PTPRN2: variants seen among roughly 807,000 people sequenced by gnomAD.
PTPRN2 encodes the protein receptor-type tyrosine-protein phosphatase N2.
Under a neutral mutation model 118.8 loss-of-function variants are expected in PTPRN2, and 74 were observed. The ratio of observed to expected loss-of-function variants is 0.62; its 90% CI spans 0.52 to 0.76. The LOEUF is 0.76. Among genes scored for constraint, PTPRN2 ranks in the 30% least tolerant of loss-of-function variants. The pLI, the probability that PTPRN2 is intolerant of heterozygous loss-of-function variation, is 0.00. For missense variants in PTPRN2, 1,481 were observed against 1,394.4 expected (o/e 1.06, Z -0.99); for synonymous variants, 641 against 608.0 (o/e 1.05, Z -0.80).
chr7:158,193,925 A>T (rs1029134325), intron 4 of PTPRN2, among the ~76,000 whole-genome samples: 1 of 142,616 alleles, frequency 7.0e-6, no homozygotes, highest in Non-Finnish European at 1.5e-5. Context: ...AAAAAAAAAA[A>T]GGAATATAAT....
At chr7:158,454,151 G>A (rs1039859600) in intron 2 of PTPRN2, among the ~76,000 whole-genome samples, 7 of 151,894 alleles carry the variant, frequency 4.6e-5, no homozygotes, top group Admixed American at 4.6e-4. Flanking sequence ...TCAGGATTGG[G>A]GATGGTTGCT....
At chr7:157,725,169 C>T (rs576384847) in intron 12 of PTPRN2, among the ~76,000 whole-genome samples, 1 of 151,224 alleles carries the variant, frequency 6.6e-6, no homozygotes, top group African/African-American at 2.4e-5. Flanking sequence ...GCCAGACCCT[C>T]GCCTCCCAGG....
chr7:158,145,615 G>A (rs576869906), intron 6 of PTPRN2, among the ~76,000 whole-genome samples: 179 of 152,306 alleles, frequency 1.2e-3, no homozygotes, highest in African/African-American at 3.9e-3. Flanking sequence ...GGCCAGACGC[G>A]GCCAGGCTTG....
chr7:158,283,194 C>T (rs955344541), intron 3 of PTPRN2, among the ~76,000 whole-genome samples: 2 of 152,342 alleles, frequency 1.3e-5, no homozygotes, highest in African/African-American at 2.4e-5. Context: ...CTTTTGTATT[C>T]GCCACAATAA....
chr7:157,659,367 G>A (rs1795772876), intron 13 of PTPRN2, among the ~76,000 whole-genome samples: 1 of 88,390 alleles, frequency 1.1e-5, no homozygotes, highest in Non-Finnish European at 2.3e-5. Context: ...GGACGACTGT[G>A]GGGAAGGGGG....
chr7:158,266,690 C>T (rs574841108), intron 3 of PTPRN2, among the ~76,000 whole-genome samples: 38 of 152,236 alleles, frequency 2.5e-4, no homozygotes, highest in African/African-American at 7.9e-4. Context: ...GGCAGAGAGA[C>T]GAGAGCCACT....
chr7:157,577,764 A>G (rs1800132887), intron 18 of PTPRN2, among the ~76,000 whole-genome samples: 1 of 152,238 alleles, frequency 6.6e-6, no homozygotes, highest in African/African-American at 2.4e-5. Context: ...TCATGAGCAC[A>G]CAGCCGTGTG....
chr7:158,397,339 G>A (rs1812591946), intron 2 of PTPRN2, among the ~76,000 whole-genome samples: 1 of 152,212 alleles, frequency 6.6e-6, no homozygotes, highest in Non-Finnish European at 1.5e-5. Context: ...CCTGCATCCA[G>A]ACACCCTCAG....
At chr7:158,454,998 T>C (rs2129440403) in intron 2 of PTPRN2, among the ~76,000 whole-genome samples, 1 of 152,254 alleles carries the variant, frequency 6.6e-6, no homozygotes, top group African/African-American at 2.4e-5. Context: ...CACGCTCCAC[T>C]TGCTTCATGA....
chr7:157,547,673 A>G (rs1453404041), intron 22 of PTPRN2, among the ~76,000 whole-genome samples: 1 of 152,094 alleles, frequency 6.6e-6, no homozygotes, highest in Non-Finnish European at 1.5e-5. Context: ...GTAACCACAC[A>G]GGGAAAAATC....
At chr7:158,399,560 G>A (rs562990318) in intron 2 of PTPRN2, among the ~76,000 whole-genome samples, 6 of 152,184 alleles carry the variant, frequency 3.9e-5, no homozygotes, top group Non-Finnish European at 8.8e-5. Context: ...GGAGGCTGAG[G>A]CAGGAGGATT....
In PTPRN2 at chr7:158,315,438, CCCATGAAGGACAGAGGTGAACCCAGGACT is replaced by C. The variant is rs1332846869; in HGVS notation, c.277+1352_277+1380del. Among the ~76,000 whole-genome samples, 34 of 150,104 alleles carry C rather than the reference CCCATGAAGGACAGAGGTGAACCCAGGACT, an allele frequency of 2.3e-4. 1 individual carries two copies. The highest frequency in any genetic ancestry group is 7.4e-4 in the African/African-American group (30 of 40,750). ...TCAAGGACAGAGGTGAACCCAGGAC[CCCATGAAGGACAGAGGTGAACCCAGGACT>C]CCCTGAAGGATAGAGGTGAACCCGG... On this transcript the variant is annotated intron_variant, in intron 3 of 22. Transcript: ENST00000389418.
At chr7:158,404,003 T>C (rs1813150367) in intron 2 of PTPRN2, among the ~76,000 whole-genome samples, 1 of 152,188 alleles carries the variant, frequency 6.6e-6, no homozygotes, top group Non-Finnish European at 1.5e-5. Flanking sequence ...GGAAGTCCAT[T>C]AGGACAGACA....
chr7:158,155,493 T>TCAA (rs1821636299), intron 6 of PTPRN2, among the ~76,000 whole-genome samples: 1 of 134,582 alleles, frequency 7.4e-6, no homozygotes, highest in African/African-American at 2.6e-5. Flanking sequence ...ATCATCACCA[T>TCAA]CACCATCATC....
At chr7:157,749,273 A>G (rs1380615181) in intron 12 of PTPRN2, among the ~76,000 whole-genome samples, 195 of 39,590 alleles carry the variant, frequency 4.9e-3, no homozygotes, top group Non-Finnish European at 5.2e-3. Context: ...TGAGCTGTGA[A>G]CTGCCCGGGT....
intron 11 of PTPRN2, among the ~76,000 whole-genome samples, chr7:157,912,623 T>G (rs1026819438): frequency 2.0e-5 from 3 of 152,228 alleles, no homozygotes; most frequent in Non-Finnish European, 4.4e-5. Context: ...GTTTTTTTCC[T>G]AAAAGATTTT....
Position 157,855,701 on chromosome 7 carries a change from G to A in PTPRN2, c.1788+42972C>T, listed in dbSNP as rs149242347. ...GGATGCCTGTGGCTGAGCCGAGGGA[G>A]AGCCGGAGCCAGGAAAGCCACTGAT... On this transcript the variant is annotated intron_variant, in intron 12 of 22. Coordinates refer to ENST00000389418, the MANE Select transcript of PTPRN2 (RefSeq NM_002847.5). Among the ~76,000 whole-genome samples, 536 of 152,354 alleles carry A rather than the reference G, an allele frequency of 3.5e-3. 4 individuals are homozygous for A. The highest frequency in any genetic ancestry group is 3.0e-3 in the Non-Finnish European group (205 of 68,036).
chr7:158,333,735 CA>C (rs149374387), intron 2 of PTPRN2, among the ~76,000 whole-genome samples: 16,494 of 121,490 alleles, frequency 0.14, 9 homozygotes, highest in Middle Eastern at 0.17. Flanking sequence ...GTCACTCACA[CA>C]CATACTCTCA....
chr7:157,908,354 G>A (rs1200689206), intron 11 of PTPRN2, among the ~76,000 whole-genome samples: 1 of 152,270 alleles, frequency 6.6e-6, no homozygotes, highest in Non-Finnish European at 1.5e-5. Flanking sequence ...GGCCTTTCAT[G>A]CCTGGGAGAG....
Sources: allele counts gnomAD v4.1 joint callset (sites outside exome capture counted in the v4.1 genomes callset), GRCh38; gene constraint gnomAD v4.1.1; transcripts MANE v1.5; gene names NCBI Gene and HGNC (gene_info 2026-07-23, HGNC 2026-07-21).